The following UNC13C variants were observed in gnomAD, a reference collection of about 807,000 sequenced individuals.
UNC13C encodes the protein protein unc-13 homolog C.
A neutral mutation model predicts 245.4 loss-of-function variants in UNC13C; 174 were observed. The observed-to-expected ratio is 0.71, with a 90% CI of 0.63 to 0.80. The LOEUF is 0.80. UNC13C is among the 30% of genes least tolerant of loss of function. UNC13C has a pLI of 0.00. For missense variants in UNC13C, 2,829 were observed against 2,602.9 expected (o/e 1.09, Z -1.89); for synonymous variants, 992 against 895.1 (o/e 1.11, Z -1.93).
intron 30 of UNC13C, among the ~76,000 whole-genome samples, chr15:54,580,760 A>G (rs1351353460): frequency 6.6e-6 from 1 of 152,158 alleles, no homozygotes; most frequent in Non-Finnish European, 1.5e-5. Context: ...CAAAACATTA[A>G]GAGAGACCCC....
chr15:54,082,310 GAGCTCT>G (rs1185449010), intron 2 of UNC13C, among the ~76,000 whole-genome samples: 1 of 152,094 alleles, frequency 6.6e-6, no homozygotes, highest in Non-Finnish European at 1.5e-5. Context: ...TCTGGGTCTT[GAGCTCT>G]AGCAATATTA....
At chr15:54,130,862 T>G (rs1376458832) in intron 2 of UNC13C, among the ~76,000 whole-genome samples, 1 of 152,196 alleles carries the variant, frequency 6.6e-6, no homozygotes, top group Non-Finnish European at 1.5e-5. Context: ...AGTTATAGCT[T>G]TTCTTGTTTA....
intron 19 of UNC13C, among the ~76,000 whole-genome samples, chr15:54,457,892 G>GTTTTTTTTTTTTTTCTTTTTTTTTTTT (rs34133938): frequency 3.3e-5 from 4 of 122,990 alleles, no homozygotes; most frequent in Non-Finnish European, 6.6e-5. Flanking sequence ...TCTGCTTTTC[G>GTTTTTTTTTTTTTTCTTTTTTTTTTTT]TTTTTTTTTT....
chr15:54,479,192 A>G (rs1032566159), intron 19 of UNC13C, among the ~76,000 whole-genome samples: 5 of 151,926 alleles, frequency 3.3e-5, no homozygotes, highest in Non-Finnish European at 5.9e-5. Context: ...ATCCCCGACT[A>G]TTATTTTATG....
the UNC13C span, among the ~76,000 whole-genome samples, chr15:53,926,839 G>T: frequency 1.2e-4 from 19 of 152,340 alleles, no homozygotes; most frequent in East Asian, 2.1e-3. Flanking sequence ...GAATGGAACG[G>T]CAGGACAGGA....
At chr15:54,087,840 T>C (rs1486309264) in intron 2 of UNC13C, among the ~76,000 whole-genome samples, 2 of 152,214 alleles carry the variant, frequency 1.3e-5, no homozygotes, top group African/African-American at 4.8e-5. Flanking sequence ...CCAGAGACTT[T>C]CCTGATTGAG....
intron 28 of UNC13C, among the ~76,000 whole-genome samples, chr15:54,555,154 G>A (rs1328836137): frequency 6.6e-6 from 1 of 151,966 alleles, no homozygotes; most frequent in Non-Finnish European, 1.5e-5. Flanking sequence ...GCATTTTCCA[G>A]GTTTCTCTCT....
intron 2 of UNC13C, among the ~76,000 whole-genome samples, chr15:54,108,632 A>T (rs924257416): frequency 6.6e-6 from 1 of 152,198 alleles, no homozygotes; most frequent in Non-Finnish European, 1.5e-5. Flanking sequence ...TTTTTCCCAT[A>T]GCACATAGAT....
At chr15:54,079,064 C>T (rs182485572) in intron 2 of UNC13C, among the ~76,000 whole-genome samples, 5 of 151,898 alleles carry the variant, frequency 3.3e-5, no homozygotes, top group Middle Eastern at 3.4e-3. Flanking sequence ...TTATTGAATA[C>T]GGTGTTCCTC....
intron 19 of UNC13C, among the ~76,000 whole-genome samples, chr15:54,471,453 C>A (rs1243063865): frequency 6.6e-6 from 1 of 151,296 alleles, no homozygotes; most frequent in Non-Finnish European, 1.5e-5. Flanking sequence ...TTTATTATGA[C>A]CTTTGTTTTT....
At chr15:54,419,001 G>C (rs971008769) in intron 19 of UNC13C, among the ~76,000 whole-genome samples, 2 of 152,038 alleles carry the variant, frequency 1.3e-5, no homozygotes, top group Non-Finnish European at 2.9e-5. Flanking sequence ...TACTTGTTTT[G>C]TATATCTGGA....
the UNC13C span, among the ~76,000 whole-genome samples, chr15:53,841,619 C>T: frequency 1.3e-5 from 2 of 152,066 alleles, no homozygotes. Flanking sequence ...GCATATGTGA[C>T]AAGAGCTCCC....
At chr15:54,206,685 A>G (rs927409700) in intron 4 of UNC13C, among the ~76,000 whole-genome samples, 4 of 152,112 alleles carry the variant, frequency 2.6e-5, no homozygotes, top group Admixed American at 6.6e-5. Flanking sequence ...TGTATTAAAG[A>G]TATTTGTGGC....
chr15:53,987,593 T>A (rs888149214), intron 1 of UNC13C, among the ~76,000 whole-genome samples: 2 of 152,004 alleles, frequency 1.3e-5, no homozygotes, highest in Admixed American at 1.3e-4. Context: ...CTTAGTTACC[T>A]TTTGCTTACA....
At chr15:54,135,172 T>C (rs2031666620) in intron 2 of UNC13C, among the ~76,000 whole-genome samples, 1 of 152,222 alleles carries the variant, frequency 6.6e-6, no homozygotes, top group South Asian at 2.1e-4. Context: ...AGTTTGTGAT[T>C]TTGCTATGGA....
chr15:54,028,922 TA>T (rs1896239724), intron 2 of UNC13C, among the ~76,000 whole-genome samples: 1 of 152,100 alleles, frequency 6.6e-6, no homozygotes, highest in South Asian at 2.1e-4. Context: ...GGTGATAAAA[TA>T]AATACATAAA....
chr15:54,118,202 G>T (rs12899909), intron 2 of UNC13C, among the ~76,000 whole-genome samples: 12,091 of 151,874 alleles, frequency 0.08, 583 homozygotes, highest in Non-Finnish European at 0.11. Flanking sequence ...AATAGTATTG[G>T]CATTTTCATA....
chr15:54,288,172 A>G (rs767507267), intron 10 of UNC13C, among the ~76,000 whole-genome samples: 19 of 152,284 alleles, frequency 1.2e-4, no homozygotes, highest in Admixed American at 6.5e-4. Context: ...GTCCTGCTGG[A>G]CAGGTATATT....
intron 4 of UNC13C, among the ~76,000 whole-genome samples, chr15:54,179,125 A>AT: frequency 6.6e-6 from 1 of 152,264 alleles, no homozygotes; most frequent in East Asian, 1.9e-4. Context: ...AGTAGAAGTG[A>AT]TTAACACCCC....
Sources: allele counts gnomAD v4.1 joint callset (sites outside exome capture counted in the v4.1 genomes callset), GRCh38; gene constraint gnomAD v4.1.1; transcripts MANE v1.5; gene names NCBI Gene and HGNC (gene_info 2026-07-23, HGNC 2026-07-21).